EYS: variants seen among roughly 807,000 people sequenced by gnomAD.
EYS encodes protein eyes shut homolog.
EYS carries 250 observed loss-of-function variants against 282.1 expected under a neutral mutation model. The ratio of observed to expected loss-of-function variants is 0.89; its 90% CI spans 0.80 to 0.98. The LOEUF (loss-of-function observed/expected upper bound fraction) is 0.98, where lower values mean the gene tolerates loss of function less well. EYS is among the 50% of genes least tolerant of loss of function. The pLI, the probability that EYS is intolerant of heterozygous loss-of-function variation, is 0.00. For synonymous variants in EYS, 1,355 were observed against 1,282.9 expected, an observed-to-expected ratio of 1.06 and a Z score of -1.20; for missense variants, 4,016 against 3,709.0, an observed-to-expected ratio of 1.08 and a Z score of -2.15.
At chr6:65,704,655 A>C (rs1769811074) in intron 1 of EYS, among the ~76,000 whole-genome samples, 1 of 152,240 alleles carries the variant, frequency 6.6e-6, no homozygotes, top group Non-Finnish European at 1.5e-5. Flanking sequence ...GATAAAATAT[A>C]ATAACTCAAG....
intron 29 of EYS, among the ~76,000 whole-genome samples, chr6:64,334,310 T>G (rs181028133): frequency 6.6e-6 from 1 of 152,058 alleles, no homozygotes; most frequent in Non-Finnish European, 1.5e-5. Flanking sequence ...TTAGGAAAAA[T>G]AAGGCCATCC....
At chr6:64,577,318 A>G (rs1159902634) in intron 26 of EYS, among the ~76,000 whole-genome samples, 2 of 152,120 alleles carry the variant, frequency 1.3e-5, no homozygotes, top group Non-Finnish European at 2.9e-5. Context: ...ATTAAGACTT[A>G]GAGTAAATAT....
At chr6:65,641,708 G>A (rs959875275) in intron 1 of EYS, among the ~76,000 whole-genome samples, 1 of 152,042 alleles carries the variant, frequency 6.6e-6, no homozygotes, top group African/African-American at 2.4e-5. Flanking sequence ...TTAGCTATGA[G>A]GTCTATGCAA....
intron 35 of EYS, among the ~76,000 whole-genome samples, chr6:63,920,256 T>C (rs1482873348): frequency 2.6e-5 from 4 of 152,164 alleles, no homozygotes; most frequent in Admixed American, 6.5e-5. Flanking sequence ...TCCTGTCCTT[T>C]TCTCTGTCCA....
intron 26 of EYS, among the ~76,000 whole-genome samples, chr6:64,588,029 AAAG>A (rs1295304083): frequency 2.6e-5 from 4 of 152,044 alleles, no homozygotes; most frequent in East Asian, 1.9e-4. Context: ...TGGAGTCTGG[AAAG>A]AAGATTAATT....
intron 14 of EYS, among the ~76,000 whole-genome samples, chr6:64,953,284 A>C (rs116098901): frequency 0.016 from 2,390 of 151,832 alleles, 67 homozygotes; most frequent in African/African-American, 0.054. Flanking sequence ...ATACTGAAAA[A>C]AATAGAAATT....
intron 13 of EYS, among the ~76,000 whole-genome samples, chr6:65,036,380 A>AG (rs1245581207): frequency 6.6e-6 from 1 of 151,992 alleles, no homozygotes; most frequent in Non-Finnish European, 1.5e-5. Context: ...TAACAATCCT[A>AG]GAAAAAAAAC....
chr6:64,064,491 T>C lies in EYS; in HGVS notation c.6725+1847A>G, dbSNP rs1771294554. ...CTCACTTTGAGCTCTTGTAGGCTATTGCCTATAACACAGAGCAGATTTGCA... is the reference window on the plus strand; with the variant it reads ...CTCACTTTGAGCTCTTGTAGGCTATCGCCTATAACACAGAGCAGATTTGCA... On this transcript the variant is annotated intron_variant, in intron 33 of 42. Transcript: ENST00000503581. Among the ~76,000 whole-genome samples, 3 of 152,180 alleles carry C rather than the reference T, an allele frequency of 2.0e-5. No homozygotes were observed. In the South Asian group the frequency reaches 6.2e-4, roughly 32 times the overall value.
intron 28 of EYS, among the ~76,000 whole-genome samples, chr6:64,408,439 G>A (rs950616725): frequency 2.0e-5 from 3 of 152,078 alleles, no homozygotes; most frequent in South Asian, 2.1e-4. Flanking sequence ...TTTTAAGTAC[G>A]CTGGTACATA....
At chr6:65,360,951 A>T (rs551698216) in intron 8 of EYS, among the ~76,000 whole-genome samples, 228 of 152,216 alleles carry the variant, frequency 1.5e-3, no homozygotes, top group Non-Finnish European at 2.8e-3. Flanking sequence ...AATCTTTTCC[A>T]TATTTCCATC....
chr6:64,856,244 C>A (rs931437835), intron 19 of EYS, among the ~76,000 whole-genome samples: 2 of 152,040 alleles, frequency 1.3e-5, no homozygotes, highest in African/African-American at 2.4e-5. Flanking sequence ...AATGAGAGTT[C>A]CTGTTGCTTC....
rs556982441 is a variant in EYS, at chr6:64,789,522, T to A, written c.3443+23856A>T. On this transcript the variant is annotated intron_variant, in intron 22 of 42. Transcript: ENST00000503581. Reference sequence around the variant, plus strand: ...ACCACCAAATTGTCCACTAAAATAATGTCTTTCTTTATATTTTTAATACCG... The same window carrying A: ...ACCACCAAATTGTCCACTAAAATAAAGTCTTTCTTTATATTTTTAATACCG... Among the ~76,000 whole-genome samples the A allele has an allele frequency of 1.5e-3, 229 of 152,276 alleles. 2 individuals carry two copies. The highest frequency in any genetic ancestry group is 5.0e-3 in the African/African-American group (209 of 41,572).
Position 64,291,301 on chromosome 6 carries a change from C to A in EYS, c.6191+15669G>T, listed in dbSNP as rs532413119. The stretch of plus-strand genomic sequence containing the variant: ...ATGCTATTATTCCAAAATGAACAAT[C>A]TTTTTATTGTTTATAGTAATAAAAT... On this transcript the variant is annotated intron_variant, in intron 30 of 42. Transcript: ENST00000503581. Among the ~76,000 whole-genome samples the A allele has an allele frequency of 7.2e-5, 11 of 152,028 alleles. No homozygotes were observed. The South Asian group carries it at 2.1e-3, about 29-fold the overall frequency.
intron 22 of EYS, among the ~76,000 whole-genome samples, chr6:64,701,433 T>C (rs1770784971): frequency 6.6e-6 from 1 of 152,094 alleles, no homozygotes; most frequent in Non-Finnish European, 1.5e-5. Context: ...ACTATGCAAC[T>C]GAATAGAGAC....
intron 12 of EYS, among the ~76,000 whole-genome samples, chr6:65,151,342 T>G (rs563335982): frequency 6.6e-6 from 1 of 151,912 alleles, no homozygotes; most frequent in South Asian, 2.1e-4. Context: ...GAAGGAGAGA[T>G]AATTGGGCAG....
intron 30 of EYS, among the ~76,000 whole-genome samples, chr6:64,283,394 T>C (rs886970643): frequency 3.3e-5 from 5 of 152,228 alleles, no homozygotes; most frequent in Non-Finnish European, 5.9e-5. Flanking sequence ...CTGTCTTCTA[T>C]ACTAACATAT....
At chr6:65,050,123 TAAAATA>T (rs1183955115) in intron 13 of EYS, among the ~76,000 whole-genome samples, 1 of 151,532 alleles carries the variant, frequency 6.6e-6, no homozygotes, top group East Asian at 1.9e-4. Context: ...GCTTTGAATC[TAAAATA>T]AAAATAAGAG....
At chr6:64,949,226 A>G (rs1769397256) in intron 14 of EYS, among the ~76,000 whole-genome samples, 1 of 151,954 alleles carries the variant, frequency 6.6e-6, no homozygotes, top group Non-Finnish European at 1.5e-5. Context: ...TCAATAAGTC[A>G]GTGTACAAGA....
intron 31 of EYS, among the ~76,000 whole-genome samples, chr6:64,131,874 C>T (rs1773991181): frequency 6.6e-6 from 1 of 152,106 alleles, no homozygotes; most frequent in African/African-American, 2.4e-5. Flanking sequence ...TTTAACCCTG[C>T]AATTAATTCT....
Sources: gnomAD v4.1 joint callset for allele counts (sites outside exome capture counted in the v4.1 genomes callset) on GRCh38, gnomAD v4.1.1 for gene constraint, MANE v1.5 for transcripts, NCBI Gene and HGNC (gene_info 2026-07-23, HGNC 2026-07-21) for gene names.